Variants in COX7B2 observed in about 807,000 individuals in gnomAD.
The protein encoded by COX7B2 is cytochrome c oxidase subunit 7B2, mitochondrial.
For missense variants in COX7B2, 109 were observed against 95.9 expected (o/e 1.14, Z -0.57); for synonymous variants, 37 against 32.1 (o/e 1.15, Z -0.51).
intron 2 of COX7B2, among the ~76,000 whole-genome samples, chr4:46,759,513 A>G (rs1716002831): frequency 6.6e-6 from 1 of 152,054 alleles, no homozygotes; most frequent in Admixed American, 6.6e-5. Flanking sequence ...GAAAAAAACA[A>G]CCCCATCAAA....
intron 2 of COX7B2, among the ~76,000 whole-genome samples, chr4:46,758,509 G>C (rs1054071185): frequency 4.6e-5 from 7 of 152,116 alleles, no homozygotes; most frequent in African/African-American, 1.4e-4. Flanking sequence ...AAGTTCAGGT[G>C]ACGAAGCTGA....
At chr4:46,841,927 T>C (rs1715954097) in intron 2 of COX7B2, among the ~76,000 whole-genome samples, 1 of 151,966 alleles carries the variant, frequency 6.6e-6, no homozygotes, top group African/African-American at 2.4e-5. Context: ...TGCAAGTAAT[T>C]AGACACTTAA....
At chr4:46,755,860 C>A (rs1715764209) in intron 2 of COX7B2, among the ~76,000 whole-genome samples, 1 of 151,922 alleles carries the variant, frequency 6.6e-6, no homozygotes, top group Admixed American at 6.6e-5. Flanking sequence ...CTGGAAGAAT[C>A]AAAATTGTTA....
At chr4:46,866,839 T>C (rs1239803681) in intron 1 of COX7B2, among the ~76,000 whole-genome samples, 1 of 152,154 alleles carries the variant, frequency 6.6e-6, no homozygotes, top group African/African-American at 2.4e-5. Context: ...CATTATTACC[T>C]GCTGTGGATA....
intron 1 of COX7B2, among the ~76,000 whole-genome samples, chr4:46,888,579 G>A (rs1021522421): frequency 6.6e-6 from 1 of 151,666 alleles, no homozygotes; most frequent in Non-Finnish European, 1.5e-5. Flanking sequence ...GAGTAGCTGG[G>A]ACTACAGGCG....
chr4:46,813,629 G>A (rs944580745), intron 2 of COX7B2, among the ~76,000 whole-genome samples: 4 of 152,052 alleles, frequency 2.6e-5, no homozygotes, highest in Non-Finnish European at 4.4e-5. Context: ...CCTAGATAAC[G>A]GGTTGATAGG....
chr4:46,905,373 T>C (rs557796826), intron 1 of COX7B2, among the ~76,000 whole-genome samples: 1 of 152,202 alleles, frequency 6.6e-6, no homozygotes, highest in South Asian at 2.1e-4. Flanking sequence ...CCTAAAAGAG[T>C]TATCCCAAAG....
chr4:46,903,448 G>A (rs574577006), intron 1 of COX7B2, among the ~76,000 whole-genome samples: 3 of 151,804 alleles, frequency 2.0e-5, no homozygotes, highest in Non-Finnish European at 4.4e-5. Context: ...ACATTGTAGC[G>A]CAATTACTTA....
chr4:46,907,108 TTCTC>T (rs1418661475), intron 1 of COX7B2, among the ~76,000 whole-genome samples: 1 of 152,220 alleles, frequency 6.6e-6, no homozygotes, highest in African/African-American at 2.4e-5. Flanking sequence ...TCTTGCCTCT[TTCTC>T]TTTTTGATTA....
chr4:46,870,563 T>C (rs1717925875), intron 1 of COX7B2, among the ~76,000 whole-genome samples: 1 of 152,142 alleles, frequency 6.6e-6, no homozygotes, highest in African/African-American at 2.4e-5. Flanking sequence ...GCAGATGACA[T>C]GATTCAGTAT....
chr4:46,853,154 T>C (rs555352012), intron 1 of COX7B2, among the ~76,000 whole-genome samples: 101 of 152,310 alleles, frequency 6.6e-4, no homozygotes, highest in Admixed American at 1.4e-3. Flanking sequence ...TAACTCTGTA[T>C]TTCCTTAGGA....
chr4:46,786,304 G>C (rs1421054885), intron 2 of COX7B2, among the ~76,000 whole-genome samples: 2 of 152,134 alleles, frequency 1.3e-5, no homozygotes, highest in Non-Finnish European at 2.9e-5. Context: ...ATGTACCTAT[G>C]TAGTACAGAC....
At chr4:46,816,226 T>C (rs1017100689) in intron 2 of COX7B2, among the ~76,000 whole-genome samples, 5 of 152,262 alleles carry the variant, frequency 3.3e-5, no homozygotes, top group African/African-American at 1.2e-4. Flanking sequence ...GGTCAAATCT[T>C]AACTCATATT....
chr4:46,894,427 G>T (rs1246522771), intron 1 of COX7B2, among the ~76,000 whole-genome samples: 2 of 152,044 alleles, frequency 1.3e-5, no homozygotes, highest in Admixed American at 1.3e-4. Context: ...TGGAATAACA[G>T]GTTACCTATA....
chr4:46,822,079 T>G (rs73142956), intron 2 of COX7B2, among the ~76,000 whole-genome samples: 3,116 of 152,238 alleles, frequency 0.02, 99 homozygotes, highest in African/African-American at 0.071. Flanking sequence ...ACTGGGCTAA[T>G]TTTTGTATTT....
intron 2 of COX7B2, among the ~76,000 whole-genome samples, chr4:46,746,484 G>T (rs1328413871): frequency 6.6e-6 from 1 of 152,174 alleles, no homozygotes; most frequent in Non-Finnish European, 1.5e-5. Flanking sequence ...ACCAGAGGTA[G>T]GCAGAATGGA....
intron 1 of COX7B2, among the ~76,000 whole-genome samples, chr4:46,884,323 C>T (rs1718936810): frequency 6.6e-6 from 1 of 152,178 alleles, no homozygotes; most frequent in South Asian, 2.1e-4. Flanking sequence ...TTCCACAGTG[C>T]TGAGATTACA....
chr4:46,792,416 AT>A (rs1465293684), intron 2 of COX7B2, among the ~76,000 whole-genome samples: 3 of 152,188 alleles, frequency 2.0e-5, no homozygotes, highest in African/African-American at 7.2e-5. Flanking sequence ...GTCCTCCCCA[AT>A]GAGGGTGACC....
chr4:46,857,394 T>C (rs1047310809), intron 1 of COX7B2, among the ~76,000 whole-genome samples: 1 of 152,230 alleles, frequency 6.6e-6, no homozygotes. Flanking sequence ...GCAAAATTTA[T>C]TTTTATAATT....
Sources: allele counts gnomAD v4.1 joint callset (sites outside exome capture counted in the v4.1 genomes callset), GRCh38; gene constraint gnomAD v4.1.1; transcripts MANE v1.5; gene names NCBI Gene and HGNC (gene_info 2026-07-23, HGNC 2026-07-21).